The following C10orf90 variants were observed in gnomAD, a reference collection of about 807,000 sequenced individuals.
The protein encoded by C10orf90 is chromosome 10 open reading frame 90.
Under a neutral mutation model 62.5 loss-of-function variants are expected in C10orf90, and 56 were observed. The observed-to-expected ratio is 0.90, with a 90% CI of 0.72 to 1.12. C10orf90 has a LOEUF of 1.12. Ranked by LOEUF, C10orf90 falls within the 50% of genes most tolerant of loss-of-function variation. The probability of loss-of-function intolerance (pLI) is 0.00; values close to 1 mark genes in which losing one functional copy is unlikely to be tolerated. For missense variants in C10orf90, 970 were observed against 880.4 expected (o/e 1.10, Z -1.29); for synonymous variants, 386 against 340.4 (o/e 1.13, Z -1.47).
At chr10:126,653,248 C>T (rs768434962) in intron 1 of C10orf90, among the ~76,000 whole-genome samples, 16 of 152,144 alleles carry the variant, frequency 1.1e-4, no homozygotes, top group African/African-American at 7.2e-5. Context: ...CTTCCTTTCA[C>T]GAAACAGTTC....
chr10:126,573,285 GT>G (rs1844545695), intron 2 of C10orf90, among the ~76,000 whole-genome samples: 1 of 152,218 alleles, frequency 6.6e-6, no homozygotes, highest in African/African-American at 2.4e-5. Context: ...GATTTTCACA[GT>G]GCTTTTCCAT....
At chr10:126,526,968 G>A (rs61053707) in intron 2 of C10orf90, among the ~76,000 whole-genome samples, 20,682 of 152,158 alleles carry the variant, frequency 0.14, 1,477 homozygotes, top group South Asian at 0.28. Context: ...CTCTTCAACA[G>A]CTGATGGACA....
intron 2 of C10orf90, among the ~76,000 whole-genome samples, chr10:126,546,015 C>T (rs1375528258): frequency 6.6e-6 from 1 of 152,072 alleles, no homozygotes; most frequent in South Asian, 2.1e-4. Context: ...GACATGGTGA[C>T]GAATTCCCTG....
chr10:126,587,071 A>T (rs1311361731), intron 2 of C10orf90, among the ~76,000 whole-genome samples: 1 of 152,092 alleles, frequency 6.6e-6, no homozygotes, highest in Non-Finnish European at 1.5e-5. Context: ...GCTGGCTCTG[A>T]GGTTTCATAC....
chr10:126,596,264 C>A (rs1031282754), intron 2 of C10orf90, among the ~76,000 whole-genome samples: 3 of 151,752 alleles, frequency 2.0e-5, no homozygotes, highest in Non-Finnish European at 4.4e-5. Flanking sequence ...GATTGCTCCA[C>A]CGCACTCCAG....
At chr10:126,581,902 G>A (rs899168003) in intron 2 of C10orf90, among the ~76,000 whole-genome samples, 2 of 152,200 alleles carry the variant, frequency 1.3e-5, no homozygotes, top group African/African-American at 2.4e-5. Flanking sequence ...CCTTACTGCT[G>A]CACAGTGGCA....
chr10:126,482,421 G>C (rs1590984032), intron 4 of C10orf90, among the ~76,000 whole-genome samples: 1 of 152,180 alleles, frequency 6.6e-6, no homozygotes. Context: ...GACCCTCAAG[G>C]CCTGCCCTTT....
At chr10:126,664,742 A>G (rs1279275204) in intron 1 of C10orf90, among the ~76,000 whole-genome samples, 1 of 152,144 alleles carries the variant, frequency 6.6e-6, no homozygotes, top group Non-Finnish European at 1.5e-5. Flanking sequence ...TTGACCTCTC[A>G]TTAAATACTG....
intron 2 of C10orf90, among the ~76,000 whole-genome samples, chr10:126,571,941 C>A (rs1378143320): frequency 6.6e-6 from 1 of 152,166 alleles, no homozygotes; most frequent in Admixed American, 6.6e-5. Flanking sequence ...CAGAGGAAGT[C>A]CCTGCTAGAG....
intron 1 of C10orf90, among the ~76,000 whole-genome samples, chr10:126,651,970 A>C (rs2003236): frequency 0.29 from 44,633 of 152,122 alleles, 7,561 homozygotes; most frequent in East Asian, 0.37. Context: ...GGTTGGACTG[A>C]TGATTGGTTG....
chr10:126,608,219 C>A (rs1347631), intron 2 of C10orf90, among the ~76,000 whole-genome samples: 1 of 152,124 alleles, frequency 6.6e-6, no homozygotes, highest in East Asian at 1.9e-4. Flanking sequence ...AGCGATCCTC[C>A]GATCTCAGCC....
intron 2 of C10orf90, among the ~76,000 whole-genome samples, chr10:126,629,683 A>G (rs921021888): frequency 6.6e-6 from 1 of 152,240 alleles, no homozygotes; most frequent in African/African-American, 2.4e-5. Flanking sequence ...ATGAGTAGCC[A>G]TTTGTAGAAA....
rs140589907 is a variant in C10orf90 at position 126,639,689 on chromosome 10, G to A, written c.313+6876C>T. Among the ~76,000 whole-genome samples the A allele has an allele frequency of 2.2e-4, 34 of 152,368 alleles. 1 individual carries two copies. Among genetic ancestry groups the A allele is most frequent in the African/African-American group, 8.2e-4 (34 of 41,592 alleles). On this transcript the variant is annotated intron_variant, in intron 2 of 9. Transcript: ENST00000488181. ...GCAGTAACTGAGCATTCATGCTTTT[G>A]AGAGGAAGCTGTAAAATCTGGCTGA...
chr10:126,464,642 AT>A (rs1860175256), intron 5 of C10orf90, 53 bp downstream of exon 5: 1 of 1,546,988 alleles, frequency 6.5e-7, no homozygotes, highest in Non-Finnish European at 8.8e-7. Flanking sequence ...CAATCAACAA[AT>A]TTTTATCGAA....
intron 2 of C10orf90, among the ~76,000 whole-genome samples, chr10:126,598,952 T>C (rs1204359529): frequency 1.3e-5 from 2 of 152,198 alleles, no homozygotes; most frequent in African/African-American, 4.8e-5. Context: ...CTTTGCTCTA[T>C]ATTCAAAACA....
intron 2 of C10orf90, among the ~76,000 whole-genome samples, chr10:126,641,703 A>T (rs1395766484): frequency 3.9e-5 from 6 of 152,096 alleles, no homozygotes; most frequent in Non-Finnish European, 5.9e-5. Context: ...AACATGCAGA[A>T]TGGGGATCTG....
intron 1 of C10orf90, among the ~76,000 whole-genome samples, chr10:126,665,604 A>G (rs1846610528): frequency 6.6e-6 from 1 of 152,162 alleles, no homozygotes. Context: ...ACCGCTAGGA[A>G]ACAATGATTT....
At chr10:126,664,089 G>A (rs917855521) in intron 1 of C10orf90, among the ~76,000 whole-genome samples, 2 of 152,176 alleles carry the variant, frequency 1.3e-5, no homozygotes, top group Non-Finnish European at 2.9e-5. Context: ...AGGAGTAGGC[G>A]TGCTCTAAAT....
intron 4 of C10orf90, among the ~76,000 whole-genome samples, chr10:126,501,457 C>A (rs985446035): frequency 5.3e-5 from 8 of 152,288 alleles, no homozygotes; most frequent in Non-Finnish European, 8.8e-5. Context: ...CAGCACACCC[C>A]AGGGCTCTGT....
Sources: allele counts gnomAD v4.1 joint callset (sites outside exome capture counted in the v4.1 genomes callset), GRCh38; gene constraint gnomAD v4.1.1; transcripts MANE v1.5; gene names NCBI Gene and HGNC (gene_info 2026-07-23, HGNC 2026-07-21).